CHST9: variants seen among roughly 807,000 people sequenced by gnomAD.
The protein encoded by CHST9 is GalNAc-4-sulfotransferase 2.
Under a neutral mutation model 44.4 loss-of-function variants are expected in CHST9, and 41 were observed. That is an observed-to-expected ratio of 0.92 (90% confidence interval 0.72 to 1.20). CHST9 has a LOEUF of 1.20. CHST9 is among the 50% of genes most tolerant of loss of function. The pLI is 0.00. For missense variants in CHST9, 504 were observed against 516.5 expected, an observed-to-expected ratio of 0.98 and a Z score of 0.23; for synonymous variants, 171 against 178.4, an observed-to-expected ratio of 0.96 and a Z score of 0.33.
intron 5 of CHST9, among the ~76,000 whole-genome samples, chr18:26,920,649 T>C (rs1483330735): frequency 2.0e-5 from 3 of 152,230 alleles, no homozygotes; most frequent in Non-Finnish European, 4.4e-5. Flanking sequence ...TCTAATTTAA[T>C]AGTGGTCTTC....
chr18:27,153,035 G>A (rs971600495), intron 1 of CHST9, among the ~76,000 whole-genome samples: 39 of 152,234 alleles, frequency 2.6e-4, no homozygotes, highest in African/African-American at 9.1e-4. Context: ...CAATAGAAAC[G>A]AGCAGGTTAT....
At chr18:27,011,893 C>T (rs2057089532) in intron 4 of CHST9, among the ~76,000 whole-genome samples, 2 of 152,194 alleles carry the variant, frequency 1.3e-5, no homozygotes, top group East Asian at 1.9e-4. Flanking sequence ...ATTCCCTGCA[C>T]ACTGGATCCG....
chr18:27,037,527 T>C (rs1181778354), intron 3 of CHST9, among the ~76,000 whole-genome samples: 2 of 152,112 alleles, frequency 1.3e-5, no homozygotes, highest in African/African-American at 4.8e-5. Flanking sequence ...TTGTCTTTAC[T>C]AAAAATAAAA....
In CHST9 at chr18:27,161,683, G is replaced by T. The variant is rs527877944; in HGVS notation, c.-96-18778C>A. ...GATATCCTTAACTTTCTGTCTCGTT[G>T]ATCTGTCTAATGTTGACAGTGGGGT... On this transcript the variant is annotated intron_variant, in intron 1 of 5. Transcript: ENST00000618847. 3.6e-3 allele frequency among the ~76,000 whole-genome samples: 546 copies of T among 152,218 alleles called. 1 individual carries two copies. The highest frequency in any genetic ancestry group is 4.8e-3 in the Non-Finnish European group (328 of 68,024).
intron 4 of CHST9, among the ~76,000 whole-genome samples, chr18:26,973,080 C>G (rs893632769): frequency 1.3e-5 from 2 of 152,146 alleles, no homozygotes; most frequent in African/African-American, 4.8e-5. Context: ...TGTCTTAGCT[C>G]AAATGTCTCC....
At chr18:27,139,930 G>A (rs1209474231) in intron 2 of CHST9, among the ~76,000 whole-genome samples, 1 of 152,114 alleles carries the variant, frequency 6.6e-6, no homozygotes, top group Non-Finnish European at 1.5e-5. Flanking sequence ...TAAAACATCT[G>A]TACTGATACT....
chr18:27,091,428 A>G (rs112773561), intron 2 of CHST9, among the ~76,000 whole-genome samples: 4,112 of 152,164 alleles, frequency 0.027, 176 homozygotes, highest in African/African-American at 0.093. Flanking sequence ...CTAATCGAAT[A>G]CCCTTTATTT....
intron 3 of CHST9, among the ~76,000 whole-genome samples, chr18:27,027,193 G>A (rs1388894805): frequency 1.3e-5 from 2 of 152,142 alleles, no homozygotes; most frequent in Non-Finnish European, 2.9e-5. Context: ...TAATTTAGTT[G>A]TTTGTCATCA....
intron 1 of CHST9, among the ~76,000 whole-genome samples, chr18:27,163,609 A>G (rs559354014): frequency 2.5e-4 from 38 of 152,286 alleles, no homozygotes; most frequent in African/African-American, 8.9e-4. Flanking sequence ...AGGACCCTCC[A>G]AGCCAGGTGC....
intron 5 of CHST9, among the ~76,000 whole-genome samples, chr18:26,927,840 A>G (rs1404571935): frequency 6.6e-6 from 1 of 151,972 alleles, no homozygotes; most frequent in Non-Finnish European, 1.5e-5. Flanking sequence ...AGGCTGGGGG[A>G]CGATCAGGTC....
chr18:27,056,296 T>C (rs958551862), intron 2 of CHST9, among the ~76,000 whole-genome samples: 1 of 152,184 alleles, frequency 6.6e-6, no homozygotes, highest in Non-Finnish European at 1.5e-5. Context: ...TTTCTGATGG[T>C]GAAGGCAGGC....
At chr18:27,058,429 G>A (rs554303828) in intron 2 of CHST9, among the ~76,000 whole-genome samples, 3 of 152,182 alleles carry the variant, frequency 2.0e-5, no homozygotes, top group South Asian at 2.1e-4. Flanking sequence ...CCTTCCCCTC[G>A]AATCTCTGCA....
At chr18:27,073,042 T>A (rs1208750800) in intron 2 of CHST9, among the ~76,000 whole-genome samples, 1 of 152,186 alleles carries the variant, frequency 6.6e-6, no homozygotes, top group African/African-American at 2.4e-5. Flanking sequence ...TTGGGCTAAA[T>A]CACCAAGTGA....
intron 2 of CHST9, among the ~76,000 whole-genome samples, chr18:27,051,484 T>C (rs1476476573): frequency 1.3e-5 from 2 of 152,146 alleles, no homozygotes; most frequent in African/African-American, 4.8e-5. Flanking sequence ...CTCTGGGGGA[T>C]GCCGGATAAT....
intron 4 of CHST9, among the ~76,000 whole-genome samples, chr18:26,950,896 A>G (rs1331030189): frequency 1.3e-5 from 2 of 152,238 alleles, no homozygotes; most frequent in East Asian, 3.8e-4. Context: ...GCTAACTTTC[A>G]GGATAAAACT....
At chr18:27,116,775 T>C (rs1472092842) in intron 2 of CHST9, among the ~76,000 whole-genome samples, 1 of 152,220 alleles carries the variant, frequency 6.6e-6, no homozygotes, top group Non-Finnish European at 1.5e-5. Flanking sequence ...TTTATTTGGA[T>C]AATGTTTTAT....
chr18:26,984,859 T>C (rs2056736337), intron 4 of CHST9, among the ~76,000 whole-genome samples: 1 of 151,988 alleles, frequency 6.6e-6, no homozygotes, highest in African/African-American at 2.4e-5. Context: ...CAAGTGTTAG[T>C]GAGGGTATAG....
intron 4 of CHST9, among the ~76,000 whole-genome samples, chr18:27,006,415 C>A (rs1294218800): frequency 6.6e-6 from 1 of 152,124 alleles, no homozygotes; most frequent in Non-Finnish European, 1.5e-5. Context: ...AAACCTCCAG[C>A]AATGTGTGGG....
intron 1 of CHST9, among the ~76,000 whole-genome samples, chr18:27,161,073 A>G (rs890455105): frequency 6.6e-6 from 1 of 151,956 alleles, no homozygotes; most frequent in Non-Finnish European, 1.5e-5. Flanking sequence ...TCCTGGATTC[A>G]TTGATTTTTT....
Sources: allele counts gnomAD v4.1 joint callset (sites outside exome capture counted in the v4.1 genomes callset), GRCh38; gene constraint gnomAD v4.1.1; transcripts MANE v1.5; gene names NCBI Gene and HGNC (gene_info 2026-07-23, HGNC 2026-07-21).